Variants in MAN1A1 observed in about 807,000 individuals in gnomAD.
MAN1A1 encodes mannosyl-oligosaccharide 1,2-alpha-mannosidase IA.
In MAN1A1, 29 loss-of-function variants were observed where a neutral mutation model predicts 70.8. The ratio of observed to expected loss-of-function variants is 0.41; its 90% confidence interval spans 0.31 to 0.56. The LOEUF is 0.56. Ranked by LOEUF, MAN1A1 falls within the 20% of genes least tolerant of loss-of-function variation. The pLI, the probability that MAN1A1 is intolerant of heterozygous loss-of-function variation, is 0.29. For synonymous variants in MAN1A1, 349 were observed against 330.1 expected, an observed-to-expected ratio of 1.06 and a Z score of -0.62; for missense variants, 747 against 841.3, an observed-to-expected ratio of 0.89 and a Z score of 1.39.
intron 2 of MAN1A1, among the ~76,000 whole-genome samples, chr6:119,343,022 T>C (rs553543891): frequency 3.5e-4 from 53 of 152,218 alleles, no homozygotes; most frequent in South Asian, 2.3e-3. Context: ...AGATGTCCTA[T>C]CAAGCTTTCC....
chr6:119,242,051 A>G (rs1203527763), intron 6 of MAN1A1, among the ~76,000 whole-genome samples: 2 of 151,878 alleles, frequency 1.3e-5, no homozygotes, highest in African/African-American at 2.4e-5. Flanking sequence ...ATACAAAGCA[A>G]CCAGAACAGT....
At chr6:119,205,822 C>G (rs1773844502) in intron 6 of MAN1A1, among the ~76,000 whole-genome samples, 1 of 152,192 alleles carries the variant, frequency 6.6e-6, no homozygotes, top group Non-Finnish European at 1.5e-5. Flanking sequence ...TAGTGCATGC[C>G]TACTATTTGC....
At chr6:119,272,376 C>A (rs554848096) in intron 5 of MAN1A1, among the ~76,000 whole-genome samples, 2 of 152,066 alleles carry the variant, frequency 1.3e-5, no homozygotes, top group Non-Finnish European at 2.9e-5. Flanking sequence ...CTTTCTCAAG[C>A]AAGCATTCAT....
At chr6:119,332,088 A>C (rs370601415) in intron 2 of MAN1A1, 12 of 400,692 alleles carry the variant, frequency 3.0e-5, no homozygotes, top group African/African-American at 2.1e-4. Context: ...ATTTAATGAG[A>C]ATATGTACAT....
intron 5 of MAN1A1, among the ~76,000 whole-genome samples, chr6:119,261,088 T>C (rs2104361): frequency 0.92 from 138,070 of 150,506 alleles, 63,651 homozygotes; most frequent in African/African-American, 0.95. Context: ...ATGCCATTCT[T>C]CTGCCTCAGC....
chr6:119,255,793 C>CT (rs1380668942), intron 5 of MAN1A1, among the ~76,000 whole-genome samples: 4 of 152,198 alleles, frequency 2.6e-5, no homozygotes, highest in Non-Finnish European at 5.9e-5. Context: ...GGGCACACAT[C>CT]TTTCTTTCAC....
At chr6:119,267,631 A>G (rs1416577328) in intron 5 of MAN1A1, among the ~76,000 whole-genome samples, 1 of 152,154 alleles carries the variant, frequency 6.6e-6, no homozygotes, top group African/African-American at 2.4e-5. Flanking sequence ...CCAGATCAAG[A>G]AACAGGACTT....
intron 10 of MAN1A1, among the ~76,000 whole-genome samples, chr6:119,188,937 C>G (rs942716996): frequency 6.6e-6 from 1 of 152,052 alleles, no homozygotes; most frequent in East Asian, 1.9e-4. Flanking sequence ...TTTTTGGGAA[C>G]ATTTCTGATC....
At chr6:119,305,210 T>C (rs1772495660) in intron 3 of MAN1A1, among the ~76,000 whole-genome samples, 1 of 152,164 alleles carries the variant, frequency 6.6e-6, no homozygotes. Flanking sequence ...CTAAGAGACC[T>C]AGTATATTTT....
Position 119,324,118 on chromosome 6 carries a change from T to A in MAN1A1, c.604-17126A>T, listed in dbSNP as rs570572640. Among the ~76,000 whole-genome samples, 47 of 152,318 alleles carry A rather than the reference T, an allele frequency of 3.1e-4. No homozygotes were observed. The South Asian group carries it at 6.0e-3, about 19-fold the overall frequency. On this transcript the variant is annotated intron_variant, in intron 2 of 12. Transcript: ENST00000368468. ...TGGGTTTGAACTGTGGGAGTCTGTT[T>A]ATACTTGGATTTTCTTCCACCTCTG...
At chr6:119,264,258 A>G (rs1775688935) in intron 5 of MAN1A1, among the ~76,000 whole-genome samples, 2 of 152,222 alleles carry the variant, frequency 1.3e-5, no homozygotes, top group South Asian at 4.1e-4. Flanking sequence ...TCTCCTTGGG[A>G]TTCTGATGTA....
intron 2 of MAN1A1, among the ~76,000 whole-genome samples, chr6:119,309,698 G>A (rs1052530218): frequency 6.6e-6 from 1 of 152,188 alleles, no homozygotes; most frequent in South Asian, 2.1e-4. Flanking sequence ...TCCTGAATAC[G>A]TATATTTGCT....
chr6:119,246,431 C>T (rs1308154027), intron 6 of MAN1A1, among the ~76,000 whole-genome samples: 1 of 152,126 alleles, frequency 6.6e-6, no homozygotes, highest in East Asian at 1.9e-4. Flanking sequence ...TCATCGGAAT[C>T]TGAAAGTGGT....
At chr6:119,265,851 A>T (rs1484402705) in intron 5 of MAN1A1, among the ~76,000 whole-genome samples, 1 of 152,206 alleles carries the variant, frequency 6.6e-6, no homozygotes, top group African/African-American at 2.4e-5. Flanking sequence ...TCTGCAGATG[A>T]CATATTTTCT....
intron 2 of MAN1A1, among the ~76,000 whole-genome samples, chr6:119,325,109 C>T (rs1222939412): frequency 6.6e-6 from 1 of 152,176 alleles, no homozygotes; most frequent in Non-Finnish European, 1.5e-5. Flanking sequence ...ATTCCAGACA[C>T]TTTACATATA....
At chr6:119,277,687 G>C (rs866221023) in intron 5 of MAN1A1, among the ~76,000 whole-genome samples, 1 of 151,556 alleles carries the variant, frequency 6.6e-6, no homozygotes, top group African/African-American at 2.4e-5. Flanking sequence ...CTGTAATCCC[G>C]GCACTTTGGG....
At chr6:119,316,525 T>G (rs1056547210) in intron 2 of MAN1A1, among the ~76,000 whole-genome samples, 3 of 152,128 alleles carry the variant, frequency 2.0e-5, no homozygotes, top group Non-Finnish European at 4.4e-5. Context: ...TAAGGAGAGC[T>G]AAAAAAGTGT....
At chr6:119,264,706 T>C (rs1775700853) in intron 5 of MAN1A1, among the ~76,000 whole-genome samples, 1 of 152,222 alleles carries the variant, frequency 6.6e-6, no homozygotes, top group Non-Finnish European at 1.5e-5. Context: ...GTGAGTACTT[T>C]ACACCACATT....
intron 8 of MAN1A1, among the ~76,000 whole-genome samples, chr6:119,196,803 T>G (rs530794904): frequency 8.1e-4 from 124 of 152,182 alleles, no homozygotes; most frequent in Non-Finnish European, 1.2e-3. Context: ...ACACTACACA[T>G]AGCTAGCTAG....
Sources: gnomAD v4.1 joint callset for allele counts (sites outside exome capture counted in the v4.1 genomes callset) on GRCh38, gnomAD v4.1.1 for gene constraint, MANE v1.5 for transcripts, NCBI Gene and HGNC (gene_info 2026-07-23, HGNC 2026-07-21) for gene names.